KCNK13: variants seen among roughly 807,000 people sequenced by gnomAD.
KCNK13 encodes the protein potassium channel subfamily K member 13.
KCNK13 carries 12 observed loss-of-function variants against 23.4 expected under a neutral mutation model. The ratio of observed to expected loss-of-function variants is 0.51; its 90% CI spans 0.33 to 0.83. The LOEUF is 0.83. Ranked by LOEUF, KCNK13 falls within the 40% of genes least tolerant of loss-of-function variation. KCNK13 has a pLI of 0.02. For synonymous variants in KCNK13, 231 were observed against 229.5 expected, an observed-to-expected ratio of 1.01 and a Z score of -0.06; for missense variants, 463 against 556.3, an observed-to-expected ratio of 0.83 and a Z score of 1.69.
chr14:90,142,529 A>G (rs1890021505), intron 1 of KCNK13, among the ~76,000 whole-genome samples: 1 of 151,816 alleles, frequency 6.6e-6, no homozygotes, highest in East Asian at 1.9e-4. Flanking sequence ...CGTGTTAGCC[A>G]GGATAGTCTC....
rs561046313 is a variant in KCNK13, at chr14:90,144,865, C to T, written c.335-39246C>T. Among the ~76,000 whole-genome samples, 3 of 152,234 alleles carry T rather than the reference C, an allele frequency of 2.0e-5. No individual in the cohort carries two copies. In the South Asian group the frequency reaches 6.2e-4, roughly 32 times the overall value. Reference sequence around the variant, plus strand: ...AAATGGTGAGAGTGGATATCCTACACTTGTTCCTGATTATAGGGGGAAAGC... The same window carrying T: ...AAATGGTGAGAGTGGATATCCTACATTTGTTCCTGATTATAGGGGGAAAGC... On this transcript the variant is annotated intron_variant, in intron 1 of 1. Transcript: ENST00000282146.
At chr14:90,068,732 A>T (rs192734577) in intron 1 of KCNK13, among the ~76,000 whole-genome samples, 1 of 152,292 alleles carries the variant, frequency 6.6e-6, no homozygotes, top group African/African-American at 2.4e-5. Flanking sequence ...TGGAGTCTAG[A>T]GGGCCGTTCA....
At chr14:90,069,566 A>T (rs1418538786) in intron 1 of KCNK13, among the ~76,000 whole-genome samples, 1 of 152,114 alleles carries the variant, frequency 6.6e-6, no homozygotes, top group Non-Finnish European at 1.5e-5. Context: ...GGCTGAGGAA[A>T]GAGCTTTTGA....
At chr14:90,160,688 C>G (rs1336122891) in intron 1 of KCNK13, among the ~76,000 whole-genome samples, 1 of 151,668 alleles carries the variant, frequency 6.6e-6, no homozygotes, top group African/African-American at 2.4e-5. Context: ...ACTAAAAATA[C>G]AAAAATTAGC....
intron 1 of KCNK13, among the ~76,000 whole-genome samples, chr14:90,145,260 G>A (rs565104638): frequency 6.6e-6 from 1 of 152,112 alleles, no homozygotes; most frequent in East Asian, 1.9e-4. Context: ...AGGTGTGGTG[G>A]TGCGCGCCTG....
chr14:90,068,494 G>A (rs150883206), intron 1 of KCNK13, among the ~76,000 whole-genome samples: 2 of 152,108 alleles, frequency 1.3e-5, no homozygotes, highest in African/African-American at 2.4e-5. Context: ...GCTACTTGGC[G>A]GGCTGAGGTA....
At chr14:90,145,978 C>T (rs967027581) in intron 1 of KCNK13, among the ~76,000 whole-genome samples, 4 of 141,534 alleles carry the variant, frequency 2.8e-5, no homozygotes, top group Non-Finnish European at 6.3e-5. Context: ...GCCTGGGTAA[C>T]AGAAAAAGAC....
chr14:90,165,255 T>A (rs532324336), intron 1 of KCNK13, among the ~76,000 whole-genome samples: 1 of 152,230 alleles, frequency 6.6e-6, no homozygotes, highest in Admixed American at 6.5e-5. Flanking sequence ...CCAAACCATA[T>A]CAGGGCCAAA....
chr14:90,067,641 C>T (rs1889024574), intron 1 of KCNK13, among the ~76,000 whole-genome samples: 1 of 151,976 alleles, frequency 6.6e-6, no homozygotes, highest in South Asian at 2.1e-4. Context: ...TAAAGAAAAC[C>T]TCAGGGCAGA....
chr14:90,105,265 GC>G (rs1201353865), intron 1 of KCNK13, among the ~76,000 whole-genome samples: 2 of 151,806 alleles, frequency 1.3e-5, no homozygotes, highest in African/African-American at 4.8e-5. Context: ...TCTTCTCTCA[GC>G]CCTTTTTTCT....
At chr14:90,128,002 G>A (rs891765679) in intron 1 of KCNK13, among the ~76,000 whole-genome samples, 1 of 152,038 alleles carries the variant, frequency 6.6e-6, no homozygotes, top group Non-Finnish European at 1.5e-5. Context: ...CCAGACCTAT[G>A]GGAATCCAAT....
chr14:90,180,197 A>G (rs1890469672), intron 1 of KCNK13, among the ~76,000 whole-genome samples: 1 of 152,198 alleles, frequency 6.6e-6, no homozygotes. Context: ...TGTCAAATGT[A>G]ACTAGTAGAC....
At chr14:90,164,847 A>C (rs569849424) in intron 1 of KCNK13, among the ~76,000 whole-genome samples, 2 of 152,348 alleles carry the variant, frequency 1.3e-5, no homozygotes, top group Admixed American at 1.3e-4. Context: ...TTCTGGAAGC[A>C]TGAGGGTCCC....
intron 1 of KCNK13, among the ~76,000 whole-genome samples, chr14:90,075,525 C>A (rs1889123950): frequency 6.6e-6 from 1 of 152,208 alleles, no homozygotes; most frequent in Non-Finnish European, 1.5e-5. Context: ...GTTGCCCAGG[C>A]TGGAGTGCAG....
chr14:90,153,947 G>C (rs1293705570), intron 1 of KCNK13, among the ~76,000 whole-genome samples: 1 of 152,186 alleles, frequency 6.6e-6, no homozygotes, highest in Middle Eastern at 3.2e-3. Flanking sequence ...ACCAGGTGGT[G>C]GTGGGTGGGT....
intron 1 of KCNK13, among the ~76,000 whole-genome samples, chr14:90,182,051 G>A (rs145612697): frequency 9.9e-5 from 15 of 152,248 alleles, no homozygotes; most frequent in African/African-American, 3.6e-4. Context: ...CTAGCATGAA[G>A]GGCCCTAAGT....
At chr14:90,140,045 G>A (rs1889987134) in intron 1 of KCNK13, among the ~76,000 whole-genome samples, 1 of 152,198 alleles carries the variant, frequency 6.6e-6, no homozygotes, top group African/African-American at 2.4e-5. Flanking sequence ...GGGTGACTGT[G>A]CAGATGGCAG....
chr14:90,087,551 C>T (rs752298665), intron 1 of KCNK13, among the ~76,000 whole-genome samples: 9 of 152,130 alleles, frequency 5.9e-5, no homozygotes, highest in Non-Finnish European at 1.0e-4. Context: ...CCTCCATCCC[C>T]GCTTCTCATG....
At chr14:90,095,414 C>G (rs1889399131) in intron 1 of KCNK13, among the ~76,000 whole-genome samples, 1 of 152,156 alleles carries the variant, frequency 6.6e-6, no homozygotes, top group Non-Finnish European at 1.5e-5. Context: ...AACACCAAAA[C>G]TTCCTAAAGC....
Sources: gnomAD v4.1 joint callset for allele counts (sites outside exome capture counted in the v4.1 genomes callset) on GRCh38, gnomAD v4.1.1 for gene constraint, MANE v1.5 for transcripts, NCBI Gene and HGNC (gene_info 2026-07-23, HGNC 2026-07-21) for gene names.